Variants in USP22 observed in about 807,000 individuals in gnomAD.
The protein encoded by USP22 is ubiquitin specific peptidase 22.
In USP22, 22 loss-of-function variants were observed where a neutral mutation model predicts 68.1. That is an observed-to-expected ratio of 0.32 (90% CI 0.23 to 0.46). The LOEUF (loss-of-function observed/expected upper bound fraction) is 0.46. Ranked by LOEUF, USP22 falls within the 20% of genes least tolerant of loss-of-function variation. The pLI is 1.00. For synonymous variants in USP22, 279 were observed against 274.2 expected, an observed-to-expected ratio of 1.02 and a Z score of -0.17; for missense variants, 433 against 695.8, an observed-to-expected ratio of 0.62 and a Z score of 4.25.
At chr17:21,043,080 T>C (rs140762989), upstream of USP22, 139,852 of 194,888 alleles carry the variant, frequency 0.72, 51,178 homozygotes, top group South Asian at 0.81. Context: ...TCGCGGAGGG[T>C]GTCGCGGGGC....
At chr17:21,026,905 G>A (rs1450695440) in intron 2 of USP22, among the ~76,000 whole-genome samples, 5 of 151,568 alleles carry the variant, frequency 3.3e-5, no homozygotes, top group African/African-American at 2.4e-5. Context: ...GGGTTCAAGC[G>A]ATTCTCCTGC....
intron 8 of USP22, among the ~76,000 whole-genome samples, chr17:21,010,769 A>C (rs1310989382): frequency 6.6e-6 from 1 of 152,168 alleles, no homozygotes; most frequent in African/African-American, 2.4e-5. Context: ...CATCACAACT[A>C]AGTTTTAATC....
chr17:21,017,915 T>A, intron 5 of USP22, 27 bp downstream of exon 5: 1 of 1,606,938 alleles, frequency 6.2e-7, no homozygotes, highest in Non-Finnish European at 8.5e-7. Context: ...ACAGAAATGT[T>A]CCCCTGCAGA....
chr17:21,020,919 C>G (rs138454800), intron 3 of USP22, among the ~76,000 whole-genome samples, 194 bp downstream of exon 3: 1 of 152,284 alleles, frequency 6.6e-6, no homozygotes, highest in East Asian at 1.9e-4. Context: ...ATGCATGCCT[C>G]GACACTAGCC....
At chr17:21,006,313 G>A (rs149128097) in intron 10 of USP22, among the ~76,000 whole-genome samples, 35 of 152,264 alleles carry the variant, frequency 2.3e-4, no homozygotes, top group African/African-American at 7.9e-4. Context: ...TCTGTTCCAC[G>A]AACTAAAATG....
intron 7 of USP22, 115 bp from the exon 8 acceptor site, chr17:21,011,424 G>A (rs1913966904): frequency 2.2e-6 from 3 of 1,353,222 alleles, no homozygotes; most frequent in Admixed American, 2.1e-5. Context: ...TTGTCACAGT[G>A]ACACTCAGGT....
intron 6 of USP22, among the ~76,000 whole-genome samples, chr17:21,015,344 TC>T (rs1204098899): frequency 2.0e-5 from 3 of 151,912 alleles, no homozygotes; most frequent in Non-Finnish European, 4.4e-5. Context: ...TTTTGGAGAG[TC>T]CCCAATGGGA....
chr17:21,009,676 C>CGG (rs1567790923), intron 8 of USP22, among the ~76,000 whole-genome samples: 1 of 141,536 alleles, frequency 7.1e-6, no homozygotes, highest in Non-Finnish European at 1.6e-5. Context: ...TTTGGTTGGC[C>CGG]GGGCATGCTG....
At chr17:21,025,183 CA>C in intron 2 of USP22, among the ~76,000 whole-genome samples, 1 of 152,064 alleles carries the variant, frequency 6.6e-6, no homozygotes, top group African/African-American at 2.4e-5. Flanking sequence ...AGAACAACAA[CA>C]AAAACCAAAC....
chr17:21,043,031 T>C (rs1050260602), upstream of USP22: 2 of 266,152 alleles, frequency 7.5e-6, no homozygotes, highest in East Asian at 6.3e-5. Context: ...GCCCCCGAGC[T>C]GCGGCTGCTG....
At chr17:21,021,774 T>A (rs1177930993) in intron 2 of USP22, among the ~76,000 whole-genome samples, 2 of 152,212 alleles carry the variant, frequency 1.3e-5, no homozygotes, top group African/African-American at 4.8e-5. Flanking sequence ...GTGGGTCTTC[T>A]ACCACAATTT....
At chr17:21,028,461 G>A in intron 2 of USP22, 81 bp downstream of exon 2, 1 of 1,570,418 alleles carries the variant, frequency 6.4e-7, no homozygotes. Context: ...ACTTTTGGAA[G>A]AGTGGAACTG....
At chr17:21,042,464 A>G (rs1182631348) in intron 1 of USP22, among the ~76,000 whole-genome samples, 15 of 130,140 alleles carry the variant, frequency 1.2e-4, no homozygotes, top group Admixed American at 9.9e-4. Flanking sequence ...ATGAGGAGAT[A>G]AGGGAAGGGA....
At chr17:21,043,186 C>A (rs1359950835), upstream of USP22, 88 of 163,332 alleles carry the variant, frequency 5.4e-4, no homozygotes, top group Admixed American at 1.7e-3. Context: ...CAGGCCCTTC[C>A]CCCACACTCG....
chr17:21,005,932 A>G (rs1288829479), intron 10 of USP22, among the ~76,000 whole-genome samples: 1 of 152,128 alleles, frequency 6.6e-6, no homozygotes, highest in Non-Finnish European at 1.5e-5. Flanking sequence ...CATGACAGAG[A>G]AGCAGAGGGA....
rs3047597 is a variant in USP22 at position 21,020,244 on chromosome 17, C to CAAAAAAAAAAAAAAAAAAAA, written c.418+849_418+868dup. Among the ~76,000 whole-genome samples the CAAAAAAAAAAAAAAAAAAAA allele has an allele frequency of 5.0e-4, 37 of 73,286 alleles. 1 individual carries two copies. The highest frequency in any genetic ancestry group is 1.1e-3 in the South Asian group (2 of 1,836). The allele number at this position is 73,286 out of a possible 152,430, so 48.1% of individuals were successfully genotyped here. A position where few individuals can be genotyped will look rare whatever the true frequency, so the allele number is the denominator to read the frequency against. ...ATGAGCATCTGTCAGAATCAAAAACCAAAAAAAAAAAAAAAAAAAAAAAAA... is the reference window on the plus strand; with the variant it reads ...ATGAGCATCTGTCAGAATCAAAAACCAAAAAAAAAAAAAAAAAAAAAAAAAAAAAAAAAAAAAAAAAAAAA... On this transcript the variant is annotated intron_variant, in intron 3 of 12. Coordinates refer to ENST00000261497, the MANE Select transcript of USP22 (RefSeq NM_015276.2).
chr17:21,033,048 G>C (rs1972311996), intron 1 of USP22, among the ~76,000 whole-genome samples: 1 of 151,878 alleles, frequency 6.6e-6, no homozygotes, highest in Admixed American at 6.6e-5. Flanking sequence ...GTAAGCTAAG[G>C]AGAGAGGCCC....
chr17:21,009,091 C>CAAAAAA (rs56665164), intron 8 of USP22, among the ~76,000 whole-genome samples: 1 of 91,904 alleles, frequency 1.1e-5, no homozygotes, highest in Non-Finnish European at 2.1e-5. Context: ...GACTCCATTT[C>CAAAAAA]AAAAAAAAAA....
chr17:21,012,722 A>T, intron 7 of USP22, 108 bp downstream of exon 7: 1 of 1,004,794 alleles, frequency 1.0e-6, no homozygotes, highest in Middle Eastern at 2.1e-4. Flanking sequence ...CATTTATCTC[A>T]TAGCCTCCTT....
Sources: gnomAD v4.1 joint callset for allele counts (sites outside exome capture counted in the v4.1 genomes callset) on GRCh38, gnomAD v4.1.1 for gene constraint, MANE v1.5 for transcripts, NCBI Gene and HGNC (gene_info 2026-07-23, HGNC 2026-07-21) for gene names.